SH3D19: variants seen among roughly 807,000 people sequenced by gnomAD.
SH3D19 encodes the protein SH3 domain-containing protein 19.
Under a neutral mutation model 112.1 loss-of-function variants are expected in SH3D19, and 58 were observed. The ratio of observed to expected loss-of-function variants is 0.52; its 90% confidence interval spans 0.42 to 0.64. The LOEUF (loss-of-function observed/expected upper bound fraction) is 0.64. Ranked by LOEUF, SH3D19 falls within the 30% of genes least tolerant of loss-of-function variation. SH3D19 has a pLI of 0.00. For missense variants in SH3D19, 1,090 were observed against 1,263.4 expected, an observed-to-expected ratio of 0.86 and a Z score of 2.08; for synonymous variants, 391 against 448.5, an observed-to-expected ratio of 0.87 and a Z score of 1.62.
chr4:151,325,448 G>T lies in SH3D19; in HGVS notation c.-96C>A. The stretch of plus-strand genomic sequence containing the variant: ...CCGGCGCCCCACGCCACCGCCCTCG[G>T]GCCGGGGGGAAGGCGGCTCCCGGAG... On this transcript the variant is annotated 5_prime_UTR_variant, in exon 1 of 20. Transcript: ENST00000604030. The T allele has an allele frequency of 1.8e-6, 1 of 550,278 alleles. No homozygotes were observed. Among genetic ancestry groups the T allele is most frequent in the Non-Finnish European group, 2.6e-6 (1 of 384,346 alleles). 34.1% of individuals were successfully genotyped at this position (550,278 alleles called of 1,614,324 possible). A position where few individuals can be genotyped will look rare whatever the true frequency, so the allele number is the denominator to read the frequency against.
intron 3 of SH3D19, among the ~76,000 whole-genome samples, chr4:151,183,472 C>T (rs566929714): frequency 4.3e-4 from 65 of 152,240 alleles, no homozygotes; most frequent in African/African-American, 1.6e-3. Flanking sequence ...GAGGAGAAGA[C>T]TGAGATACAG....
chr4:151,247,915 T>A (rs1222453377), intron 1 of SH3D19, among the ~76,000 whole-genome samples: 1 of 152,192 alleles, frequency 6.6e-6, no homozygotes, highest in Non-Finnish European at 1.5e-5. Flanking sequence ...ACAAACAGTA[T>A]GACTGTTTTC....
In SH3D19 at chr4:151,146,185, CAAT is replaced by C. The variant is rs142524919; in HGVS notation, c.2082+1734_2082+1736del. On this transcript the variant is annotated intron_variant, in intron 11 of 19. Transcript: ENST00000604030. Reference sequence around the variant, plus strand: ...CTTAAAGAAAAAATAATTACTGGCTCAATGATGGAAATGTAACACAACATAGAA... The same window carrying C: ...CTTAAAGAAAAAATAATTACTGGCTCGATGGAAATGTAACACAACATAGAA... 2.5e-3 allele frequency among the ~76,000 whole-genome samples: 375 copies of C among 152,220 alleles called. 1 individual carries two copies. The highest frequency in any genetic ancestry group is 8.7e-3 in the African/African-American group (363 of 41,510).
At chr4:151,237,748 C>G (rs563947824) in intron 1 of SH3D19, among the ~76,000 whole-genome samples, 28 of 152,138 alleles carry the variant, frequency 1.8e-4, no homozygotes, top group Non-Finnish European at 3.5e-4. Flanking sequence ...ATCAGGAATA[C>G]AGAATATTTA....
chr4:151,208,841 G>T (rs1035630388), intron 2 of SH3D19, among the ~76,000 whole-genome samples: 9 of 150,994 alleles, frequency 6.0e-5, no homozygotes, highest in African/African-American at 1.9e-4. Flanking sequence ...CCACGCCCGG[G>T]TAATTTTTTG....
chr4:151,297,541 A>G (rs1463498168), intron 1 of SH3D19, among the ~76,000 whole-genome samples: 1 of 152,230 alleles, frequency 6.6e-6, no homozygotes, highest in Non-Finnish European at 1.5e-5. Flanking sequence ...TAGAAGCAAG[A>G]TAACATATTG....
intron 19 of SH3D19, 142 bp downstream of exon 19, chr4:151,127,476 T>G (rs567382436): frequency 1.9e-6 from 1 of 525,704 alleles, no homozygotes. Context: ...CTTTCTCTAA[T>G]GTCTTCCCCT....
chr4:151,177,853 C>T (rs1426901101), intron 4 of SH3D19, among the ~76,000 whole-genome samples: 2 of 152,182 alleles, frequency 1.3e-5, no homozygotes, highest in Non-Finnish European at 2.9e-5. Context: ...ATCTTTAATA[C>T]TGGAGAGCTA....
chr4:151,306,347 C>G (rs917898541), intron 1 of SH3D19, among the ~76,000 whole-genome samples: 1 of 152,288 alleles, frequency 6.6e-6, no homozygotes, highest in African/African-American at 2.4e-5. Context: ...CTTCTGTTTA[C>G]GTCATTTTTC....
At position 151,291,074 on chromosome 4, in the gene SH3D19, A is replaced by G. The variant is rs984601245; in HGVS notation, c.112+34167T>C. The G allele has an allele frequency of 2.1e-6, 3 of 1,444,756 alleles. No homozygotes were observed. The African/African-American group carries it at 4.2e-5, about 20-fold the overall frequency. The allele number at this position is 1,444,756 out of a possible 1,614,324, so 89.5% of individuals were successfully genotyped here. On this transcript the variant is annotated intron_variant, in intron 1 of 19. Coordinates refer to ENST00000604030, the MANE Select transcript of SH3D19 (RefSeq NM_001378122.1). ...ACCCCTTATTACTACTCTCTTCTTT[A>G]TGCCTCTTTTCACTATGCTCATTAC...
intron 12 of SH3D19, among the ~76,000 whole-genome samples, chr4:151,141,707 A>T (rs1753023317): frequency 6.6e-6 from 1 of 152,142 alleles, no homozygotes. Context: ...TGTGATTTTC[A>T]TTTTTTTCTG....
At chr4:151,181,000 C>T (rs1435777380) in intron 3 of SH3D19, among the ~76,000 whole-genome samples, 2 of 148,068 alleles carry the variant, frequency 1.4e-5, no homozygotes, top group African/African-American at 5.0e-5. Context: ...GTCTTGATCT[C>T]CTGACCTCGT....
At chr4:151,253,595 G>T (rs1322375401) in intron 1 of SH3D19, among the ~76,000 whole-genome samples, 1 of 152,152 alleles carries the variant, frequency 6.6e-6, no homozygotes, top group Non-Finnish European at 1.5e-5. Context: ...CAAAAAATTA[G>T]CTGGGTGTGG....
chr4:151,272,829 C>T (rs1021870478), intron 1 of SH3D19, among the ~76,000 whole-genome samples: 3 of 151,192 alleles, frequency 2.0e-5, no homozygotes, highest in Non-Finnish European at 4.4e-5. Flanking sequence ...CTGCCTTGTC[C>T]CACTTTTAGT....
intron 1 of SH3D19, among the ~76,000 whole-genome samples, chr4:151,293,121 A>G (rs950896431): frequency 1.3e-5 from 2 of 151,748 alleles, no homozygotes; most frequent in Admixed American, 6.6e-5. Flanking sequence ...CTCTGTCTCA[A>G]AATAAAATAA....
chr4:151,302,959 A>G (rs1728593917), intron 1 of SH3D19, among the ~76,000 whole-genome samples: 1 of 152,186 alleles, frequency 6.6e-6, no homozygotes, highest in Admixed American at 6.5e-5. Context: ...TGGCACATGT[A>G]TACATATATA....
In SH3D19 at chr4:151,149,568, G is replaced by A. The variant is rs528467925; in HGVS notation, c.1756-7C>T. ...GACCTGGGTGGTTGGATTCCTGCAA[G>A]TAGCAGAGAATGCTTTTTAGTTAAG... On this transcript the variant is annotated splice_polypyrimidine_tract_variant and splice_region_variant and intron_variant, in intron 9 of 19. Transcript: ENST00000604030. The A allele has an allele frequency of 1.9e-6, 3 of 1,610,450 alleles. No homozygotes were observed. Among genetic ancestry groups the A allele is most frequent in the South Asian group, 2.2e-5 (2 of 90,236 alleles).
At chr4:151,169,404 G>C (rs1399903085) in intron 7 of SH3D19, among the ~76,000 whole-genome samples, 3 of 152,128 alleles carry the variant, frequency 2.0e-5, no homozygotes, top group Non-Finnish European at 2.9e-5. Context: ...TGTGCTCACT[G>C]AGTCAGTGAG....
intron 14 of SH3D19, 26 bp from the exon 15 acceptor site, chr4:151,135,158 A>C: frequency 6.4e-7 from 1 of 1,553,598 alleles, no homozygotes; most frequent in Non-Finnish European, 8.7e-7. Context: ...TCAAGGCAAC[A>C]ATTATATTTT....
Sources: gnomAD v4.1 joint callset for allele counts (sites outside exome capture counted in the v4.1 genomes callset) on GRCh38, gnomAD v4.1.1 for gene constraint, MANE v1.5 for transcripts, NCBI Gene and HGNC (gene_info 2026-07-23, HGNC 2026-07-21) for gene names.